The following TRPM3 variants were observed in gnomAD, a reference collection of about 807,000 sequenced individuals.
TRPM3 encodes transient receptor potential cation channel subfamily M member 3, also known as long transient receptor potential channel 3.
In TRPM3, 77 loss-of-function variants were observed where a neutral mutation model predicts 181.2. That is an observed-to-expected ratio of 0.42 (90% confidence interval 0.35 to 0.51). The LOEUF is 0.51. Among genes scored for constraint, TRPM3 ranks in the 20% least tolerant of loss-of-function variants. The pLI is 0.01. For missense variants in TRPM3, 1,759 were observed against 2,196.7 expected (o/e 0.80, Z 3.98); for synonymous variants, 745 against 796.4 (o/e 0.94, Z 1.09).
chr9:71,092,364 T>C (rs2066370984), intron 1 of TRPM3, among the ~76,000 whole-genome samples: 1 of 152,188 alleles, frequency 6.6e-6, no homozygotes, highest in African/African-American at 2.4e-5. Flanking sequence ...TGATTACCAA[T>C]TTTCATAAGT....
chr9:70,677,059 C>T (rs142637179), intron 9 of TRPM3, among the ~76,000 whole-genome samples: 8 of 151,128 alleles, frequency 5.3e-5, no homozygotes, highest in South Asian at 4.2e-4. Flanking sequence ...AGGTAGGAGG[C>T]GGGACTTGAC....
intron 1 of TRPM3, among the ~76,000 whole-genome samples, chr9:70,928,644 G>A (rs1225244436): frequency 6.6e-6 from 1 of 152,168 alleles, no homozygotes; most frequent in African/African-American, 2.4e-5. Flanking sequence ...ATTTTCGACT[G>A]GATTCAAAAG....
intron 1 of TRPM3, among the ~76,000 whole-genome samples, chr9:71,410,201 G>A (rs969186607): frequency 2.6e-5 from 4 of 151,716 alleles, no homozygotes; most frequent in African/African-American, 9.7e-5. Context: ...TAAAAGAACT[G>A]GAGAAGCAAG....
chr9:71,072,754 C>T (rs989575349), intron 1 of TRPM3, among the ~76,000 whole-genome samples: 1 of 152,150 alleles, frequency 6.6e-6, no homozygotes, highest in Non-Finnish European at 1.5e-5. Context: ...ACTGCTCTCA[C>T]GAAAGCAGGA....
chr9:70,654,973 CTG>C (rs979994829), intron 9 of TRPM3, among the ~76,000 whole-genome samples: 43 of 150,894 alleles, frequency 2.8e-4, no homozygotes, highest in African/African-American at 9.7e-4. Flanking sequence ...GTGAAGCACT[CTG>C]TAGGTTTTAC....
chr9:70,852,107 A>T (rs1727782000), intron 3 of TRPM3, among the ~76,000 whole-genome samples: 1 of 134,852 alleles, frequency 7.4e-6, no homozygotes, highest in South Asian at 2.6e-4. Context: ...AGCCCGGGCG[A>T]CAAGAGCAAG....
At chr9:71,227,912 GA>G (rs1298469475) in intron 1 of TRPM3, among the ~76,000 whole-genome samples, 19 of 152,064 alleles carry the variant, frequency 1.2e-4, no homozygotes, top group Middle Eastern at 3.2e-3. Flanking sequence ...AACATTTAGA[GA>G]ACTAATAGAA....
intron 1 of TRPM3, among the ~76,000 whole-genome samples, chr9:71,187,199 A>T (rs189061358): frequency 1.3e-5 from 2 of 152,008 alleles, no homozygotes; most frequent in Non-Finnish European, 2.9e-5. Context: ...AGTTCATTTA[A>T]ATTAAATTAT....
At chr9:70,898,526 G>C (rs112047329) in intron 1 of TRPM3, among the ~76,000 whole-genome samples, 4,640 of 150,598 alleles carry the variant, frequency 0.031, 239 homozygotes, top group African/African-American at 0.11. Flanking sequence ...AAGGCGGGCG[G>C]ATCACGAGGC....
chr9:71,133,594 G>A (rs2074517378), intron 1 of TRPM3, among the ~76,000 whole-genome samples: 1 of 151,994 alleles, frequency 6.6e-6, no homozygotes, highest in Admixed American at 6.6e-5. Context: ...CACTGCGCCC[G>A]GCTGCTTCTT....
chr9:71,158,091 G>A (rs1309933837), intron 1 of TRPM3, among the ~76,000 whole-genome samples: 1 of 152,100 alleles, frequency 6.6e-6, no homozygotes, highest in Non-Finnish European at 1.5e-5. Context: ...TTAAAGTTGT[G>A]ACATAGCTTA....
rs1489798241 is a variant in TRPM3 at position 70,591,029 on chromosome 9, A to T, written c.3223+2T>A. The stretch of plus-strand genomic sequence containing the variant: ...GTGTATGAGAATCATAAACTTGCTT[A>T]CGGTCTATCTGGTCCGCAAACACTT... On this transcript the variant is annotated splice_donor_variant, in intron 22 of 25. Transcript: ENST00000677713. LOFTEE classifies it high-confidence loss of function. 6.2e-7 allele frequency: 1 copy of T among 1,614,076 alleles called. No homozygotes were observed. Among genetic ancestry groups the T allele is most frequent in the Non-Finnish European group, 8.5e-7 (1 of 1,180,026 alleles).
At chr9:71,057,270 T>C (rs1307855489) in intron 1 of TRPM3, among the ~76,000 whole-genome samples, 1 of 152,044 alleles carries the variant, frequency 6.6e-6, no homozygotes, top group African/African-American at 2.4e-5. Flanking sequence ...CTTGGGACAC[T>C]TTCTCTACCA....
intron 7 of TRPM3, among the ~76,000 whole-genome samples, chr9:70,762,325 T>C (rs1342155032): frequency 1.3e-5 from 2 of 152,232 alleles, no homozygotes; most frequent in Admixed American, 1.3e-4. Context: ...TAAGACAGTA[T>C]AGTATTAGCT....
At position 70,618,999 on chromosome 9, in the gene TRPM3, C is replaced by A. The variant is rs764013707; in HGVS notation, c.2226G>T (p.Trp742Cys). The A allele has an allele frequency of 5.6e-6, 9 of 1,614,118 alleles. No individual in the cohort carries two copies. Among genetic ancestry groups the A allele is most frequent in the African/African-American group, 1.3e-5 (1 of 74,948 alleles). ...CAAGCTGCAGGCACGTGGCGTTGCT[C>A]CAGTTCTTCAGCTCATACGTCAGCA... ...MKLLTYELKNWSNATCLQLAV... is the reference protein window; with the variant it reads ...MKLLTYELKNCSNATCLQLAV... The change falls in exon 17 of 26, where the codon TGG becomes TGT. Residue 742 changes from tryptophan (W) to cysteine (C), a missense_variant. Around this residue, in one of 8 missense-constraint regions of TRPM3, gnomAD observed 737 missense variants for 957.4 expected, o/e 0.77. Transcript: ENST00000677713.
At chr9:70,807,212 T>C (rs560466202) in intron 6 of TRPM3, among the ~76,000 whole-genome samples, 1 of 152,262 alleles carries the variant, frequency 6.6e-6, no homozygotes, top group East Asian at 1.9e-4. Flanking sequence ...TGGAGGAAAA[T>C]CAATAGTTAT....
intron 1 of TRPM3, among the ~76,000 whole-genome samples, chr9:70,902,673 T>A: frequency 6.6e-6 from 1 of 152,236 alleles, no homozygotes; most frequent in African/African-American, 2.4e-5. Context: ...GATTTAGTTC[T>A]TAAGGACATA....
intron 1 of TRPM3, among the ~76,000 whole-genome samples, chr9:71,110,556 G>C (rs112410623): frequency 1.3e-5 from 2 of 152,246 alleles, no homozygotes; most frequent in African/African-American, 4.8e-5. Flanking sequence ...ATGAGCAGTT[G>C]CAACAGAGGG....
chr9:70,573,521 A>T (rs1016024756), intron 22 of TRPM3, among the ~76,000 whole-genome samples: 5 of 152,338 alleles, frequency 3.3e-5, no homozygotes, highest in South Asian at 2.1e-4. Flanking sequence ...TGTGCACTGC[A>T]GGTTACACAC....
Sources: gnomAD v4.1 joint callset for allele counts (sites outside exome capture counted in the v4.1 genomes callset) on GRCh38, gnomAD v4.1.1 for gene constraint, gnomAD v4.1.1 regional missense constraint, MANE v1.5 for transcripts, NCBI Gene and HGNC (gene_info 2026-07-23, HGNC 2026-07-21) for gene names.